Variants in ZFHX4 observed in about 807,000 individuals in gnomAD.
The protein encoded by ZFHX4 is zinc finger homeobox 4.
A neutral mutation model predicts 267.6 loss-of-function variants in ZFHX4; 56 were observed. The observed-to-expected ratio is 0.21, with a 90% CI of 0.17 to 0.26. The LOEUF (loss-of-function observed/expected upper bound fraction) is 0.26, where lower values mean the gene tolerates loss of function less well. Among genes scored for constraint, ZFHX4 ranks in the 10% least tolerant of loss-of-function variants. The pLI, the probability that ZFHX4 is intolerant of heterozygous loss-of-function variation, is 1.00. For missense variants in ZFHX4, 4,332 were observed against 4,420.0 expected (o/e 0.98, Z 0.56); for synonymous variants, 1,778 against 1,665.6 (o/e 1.07, Z -1.64).
At chr8:76,743,614 A>G (rs1053552064) in intron 3 of ZFHX4, among the ~76,000 whole-genome samples, 3 of 152,152 alleles carry the variant, frequency 2.0e-5, no homozygotes, top group Non-Finnish European at 2.9e-5. Context: ...GCCTATTTTA[A>G]CTGTTTAGCT....
At chr8:76,689,705 A>G (rs1199513707) in intron 1 of ZFHX4, among the ~76,000 whole-genome samples, 2 of 152,108 alleles carry the variant, frequency 1.3e-5, no homozygotes, top group Non-Finnish European at 2.9e-5. Flanking sequence ...ATGGTTTCAT[A>G]TTTGACATAC....
rs1809653101 is a variant in ZFHX4 at position 76,752,694 on chromosome 8, AAAAAC to A, written c.3094-25509_3094-25505del. Among the ~76,000 whole-genome samples, 8 of 151,848 alleles carry A rather than the reference AAAAAC, an allele frequency of 5.3e-5. No homozygotes were observed. The South Asian group carries it at 1.7e-3, about 32-fold the overall frequency. ...TCAAAAAACAAAACAAAACAATACA[AAAAAC>A]AAAAAAACACCCCATGCCCCCCACA... On this transcript the variant is annotated intron_variant, in intron 3 of 10. Coordinates refer to ENST00000651372, the MANE Select transcript of ZFHX4 (RefSeq NM_024721.5).
intron 3 of ZFHX4, among the ~76,000 whole-genome samples, chr8:76,718,630 A>G (rs576407610): frequency 6.6e-6 from 1 of 152,246 alleles, no homozygotes; most frequent in South Asian, 2.1e-4. Flanking sequence ...AATTCTGTAA[A>G]TATTAGAAAA....
At position 76,863,172 on chromosome 8, in the gene ZFHX4, C is replaced by T. The variant is rs1265728981; in HGVS notation, c.9458C>T (p.Ala3153Val). The T allele has an allele frequency of 2.6e-6, 4 of 1,555,326 alleles. No individual in the cohort carries two copies. Among genetic ancestry groups the T allele is most frequent in the South Asian group, 1.2e-5 (1 of 84,362 alleles). ...TCTCCTGCCCTGTCTCTCAGCAGTG[C>T]CCCCACCAAACCTTTGCTGCAGACT... ...TSSPALSLSSAPTKPLLQTPP... is the reference protein window; with the variant it reads ...TSSPALSLSSVPTKPLLQTPP... The change falls in exon 11 of 11, where the codon GCC becomes GTC. Residue 3153 changes from alanine (A) to valine (V), a missense_variant. Around this residue, in one of 7 missense-constraint regions of ZFHX4, gnomAD observed 1,648 missense variants for 1,625.0 expected, o/e 1.01. Transcript: ENST00000651372.
At chr8:76,698,821 T>C (rs2131595216) in intron 1 of ZFHX4, among the ~76,000 whole-genome samples, 1 of 152,302 alleles carries the variant, frequency 6.6e-6, no homozygotes, top group East Asian at 1.9e-4. Flanking sequence ...TCAAACTTAA[T>C]TACCTTCTCC....
At chr8:76,748,403 G>T (rs1355238159) in intron 3 of ZFHX4, among the ~76,000 whole-genome samples, 3 of 152,084 alleles carry the variant, frequency 2.0e-5, no homozygotes, top group Non-Finnish European at 4.4e-5. Context: ...TCTTAATTAT[G>T]CCTTTTAAAA....
chr8:76,839,877 G>T (rs914066657), intron 5 of ZFHX4, among the ~76,000 whole-genome samples: 1 of 152,154 alleles, frequency 6.6e-6, no homozygotes, highest in African/African-American at 2.4e-5. Flanking sequence ...CTAACCTACA[G>T]GGTTTCCAGA....
At position 76,742,925 on chromosome 8, in the gene ZFHX4, A is replaced by G. The variant is rs1236451697; in HGVS notation, c.3093+34877A>G. Among the ~76,000 whole-genome samples the G allele has an allele frequency of 2.0e-5, 3 of 151,826 alleles. No homozygotes were observed. In the East Asian group the frequency reaches 5.8e-4, roughly 30 times the overall value. ...TTTTTATTTCCATTCTCTGTGTCCTATAATTCTTGTTAGATAATTTGAAGC... is the reference window on the plus strand; with the variant it reads ...TTTTTATTTCCATTCTCTGTGTCCTGTAATTCTTGTTAGATAATTTGAAGC... On this transcript the variant is annotated intron_variant, in intron 3 of 10. Transcript: ENST00000651372.
At chr8:76,767,240 G>A (rs1810075786) in intron 3 of ZFHX4, among the ~76,000 whole-genome samples, 2 of 152,108 alleles carry the variant, frequency 1.3e-5, no homozygotes, top group Admixed American at 6.6e-5. Flanking sequence ...ATTGAGATAG[G>A]TGGTATAAAA....
chr8:76,764,225 T>A (rs1005071373), intron 3 of ZFHX4, among the ~76,000 whole-genome samples: 7 of 152,316 alleles, frequency 4.6e-5, no homozygotes, highest in African/African-American at 1.4e-4. Flanking sequence ...TTGAGATTAA[T>A]TTGTCTGGAG....
intron 3 of ZFHX4, among the ~76,000 whole-genome samples, chr8:76,712,911 G>T (rs1371376701): frequency 6.6e-6 from 1 of 151,870 alleles, no homozygotes. Flanking sequence ...AATAGACAGG[G>T]CAGAGATTGA....
At chr8:76,822,452 C>T (rs117628891) in intron 4 of ZFHX4, among the ~76,000 whole-genome samples, 3,911 of 116,156 alleles carry the variant, frequency 0.034, 159 homozygotes, top group East Asian at 0.18. Context: ...GTGTCTACCT[C>T]TTTTTTTTTT....
At chr8:76,752,487 C>CATAAAAAAA (rs1809642341) in intron 3 of ZFHX4, among the ~76,000 whole-genome samples, 2 of 70,964 alleles carry the variant, frequency 2.8e-5, no homozygotes, top group African/African-American at 8.7e-5. Context: ...ACCAAAAATC[C>CATAAAAAAA]AAAAAAAAAA....
chr8:76,752,972 T>A (rs528822200), intron 3 of ZFHX4, among the ~76,000 whole-genome samples: 1 of 152,342 alleles, frequency 6.6e-6, no homozygotes, highest in South Asian at 2.1e-4. Flanking sequence ...TTTGTTTTTG[T>A]GTTGTTTTAT....
intron 4 of ZFHX4, among the ~76,000 whole-genome samples, chr8:76,784,627 G>T (rs1261919836): frequency 6.6e-6 from 1 of 151,924 alleles, no homozygotes; most frequent in Non-Finnish European, 1.5e-5. Context: ...TATATAGCAG[G>T]AACACTGCAG....
rs1812915920 is a variant in ZFHX4 at position 76,863,155 on chromosome 8, C to T, written c.9441C>T (p.Ala3147=). The T allele has an allele frequency of 6.4e-7, 1 of 1,550,444 alleles. No individual in the cohort carries two copies. Among genetic ancestry groups the T allele is most frequent in the Non-Finnish European group, 8.7e-7 (1 of 1,146,760 alleles). The change falls in exon 11 of 11, where the codon GCC becomes GCT. Residue 3147 remains alanine, a synonymous_variant. Coordinates refer to ENST00000651372, the MANE Select transcript of ZFHX4 (RefSeq NM_024721.5). The stretch of plus-strand genomic sequence containing the variant: ...CTACTTCAGCTACTTCGTCTCCTGC[C>T]CTGTCTCTCAGCAGTGCCCCCACCA... ...GFPTSATSSP[A]LSLSSAPTKP... is the part of the protein sequence containing the mutation.
At position 76,866,457 on chromosome 8, in the gene ZFHX4, T is replaced by TG. The variant is rs1456712932; in HGVS notation, c.*1894dup. 3 of 151,570 alleles carry TG rather than the reference T, an allele frequency of 2.0e-5. No homozygotes were observed. The highest frequency in any genetic ancestry group is 4.4e-5 in the Non-Finnish European group (3 of 67,850). The allele number at this position is 151,570 out of a possible 1,614,324, so 9.4% of individuals were successfully genotyped here. On this transcript the variant is annotated 3_prime_UTR_variant, in exon 11 of 11. Coordinates refer to ENST00000651372, the MANE Select transcript of ZFHX4 (RefSeq NM_024721.5). The stretch of plus-strand genomic sequence containing the variant: ...GTGAACTTTTTTAATGTCTTTAATT[T>TG]GGATTTTTTTTTTTTTTAGTATTTT...
rs1308478032 is a variant in ZFHX4, at chr8:76,851,718, T to C, written c.4797T>C (p.Asn1599=). The C allele has an allele frequency of 1.2e-6, 2 of 1,613,862 alleles. No homozygotes were observed. Among genetic ancestry groups the C allele is most frequent in the East Asian group, 4.5e-5 (2 of 44,862 alleles). ...DNKPYKCSIC[N]VAYSQSSTLE... ...AACCCTACAAGTGCAGCATCTGCAA[T>C]GTTGCATACAGCCAAAGCTCAACAT... The change falls in exon 10 of 11, where the codon AAT becomes AAC. Residue 1599 remains asparagine (N), a synonymous_variant. Transcript: ENST00000651372.
chr8:76,744,013 C>T (rs1470776491), intron 3 of ZFHX4, among the ~76,000 whole-genome samples: 4 of 152,032 alleles, frequency 2.6e-5, no homozygotes, highest in African/African-American at 7.3e-5. Flanking sequence ...GTACCTATGC[C>T]CTTCCTGTGG....
Sources: gnomAD v4.1 joint callset for allele counts (sites outside exome capture counted in the v4.1 genomes callset) on GRCh38, gnomAD v4.1.1 for gene constraint, gnomAD v4.1.1 regional missense constraint, MANE v1.5 for transcripts, NCBI Gene and HGNC (gene_info 2026-07-23, HGNC 2026-07-21) for gene names.